The following CELF2 variants were observed in gnomAD, a reference collection of about 807,000 sequenced individuals.
CELF2 encodes CUG triplet repeat RNA-binding protein 2.
A neutral mutation model predicts 62.6 loss-of-function variants in CELF2; 8 were observed. That is an observed-to-expected ratio of 0.13 (90% CI 0.07 to 0.23). CELF2 has a LOEUF of 0.23. Among genes scored for constraint, CELF2 ranks in the 10% least tolerant of loss-of-function variants. CELF2 has a pLI of 1.00. For missense variants in CELF2, 333 were observed against 671.0 expected (o/e 0.50, Z 5.56); for synonymous variants, 258 against 250.0 (o/e 1.03, Z -0.30).
At chr10:11,007,608 A>G (rs1010678494) in intron 1 of CELF2, among the ~76,000 whole-genome samples, 2 of 152,206 alleles carry the variant, frequency 1.3e-5, no homozygotes, top group Non-Finnish European at 2.9e-5. Context: ...GGAACTGCTC[A>G]TTCCATCGTA....
At chr10:11,279,743 A>AT (rs368849009) in intron 8 of CELF2, among the ~76,000 whole-genome samples, 9 of 152,076 alleles carry the variant, frequency 5.9e-5, no homozygotes, top group African/African-American at 2.2e-4. Flanking sequence ...CTTATAAATA[A>AT]TTTTTTTTAA....
intron 1 of CELF2, among the ~76,000 whole-genome samples, chr10:10,806,976 A>G (rs546564720): frequency 9.9e-5 from 15 of 152,284 alleles, no homozygotes; most frequent in Admixed American, 9.2e-4. Context: ...CCCCTTTTTG[A>G]TCAAAGATAA....
chr10:10,747,722 T>A, the CELF2 span, among the ~76,000 whole-genome samples: 3 of 152,090 alleles, frequency 2.0e-5, no homozygotes, highest in Non-Finnish European at 4.4e-5. Context: ...ATATATATAT[T>A]TTGAGACGAA....
Position 11,319,733 on chromosome 10 carries a change from C to G in CELF2, c.1097-1456C>G, listed in dbSNP as rs10450538. 478 of 469,718 alleles carry G rather than the reference C, an allele frequency of 1.0e-3. 1 individual carries two copies. Among genetic ancestry groups the G allele is most frequent in the African/African-American group, 8.6e-3 (433 of 50,086 alleles). 29.1% of individuals were successfully genotyped at this position (469,718 alleles called of 1,614,324 possible). ...GTCTGTTCTGAGAAGCACAGGAATA[C>G]CCGAGGTGAGGCACAATGACAGTCC... On this transcript the variant is annotated intron_variant, in intron 10 of 12. Transcript: ENST00000633077. This position sits in a 1 kb window ranked among gnomAD's most constrained non-coding sequence, Gnocchi z 4.4.
intron 3 of CELF2, among the ~76,000 whole-genome samples, chr10:11,233,775 G>A (rs567166886): frequency 3.3e-5 from 5 of 152,300 alleles, no homozygotes; most frequent in South Asian, 2.1e-4. Flanking sequence ...GAATTGCTCC[G>A]TCTTTATCAA....
At chr10:11,115,639 T>C (rs140886134) in intron 1 of CELF2, among the ~76,000 whole-genome samples, 68 of 152,282 alleles carry the variant, frequency 4.5e-4, no homozygotes, top group African/African-American at 1.5e-3. Flanking sequence ...GTACAGAACA[T>C]TGGCTGATCC....
chr10:10,597,625 C>T, the CELF2 span, among the ~76,000 whole-genome samples: 1 of 152,202 alleles, frequency 6.6e-6, no homozygotes. Context: ...GCATCTGATA[C>T]ATAGTCCTGT....
At chr10:11,167,274 T>C (rs114521351) in intron 2 of CELF2, among the ~76,000 whole-genome samples, 2,295 of 152,228 alleles carry the variant, frequency 0.015, 60 homozygotes, top group African/African-American at 0.053. Context: ...GCTAAAAAAA[T>C]TAATAAATTT....
the CELF2 span, among the ~76,000 whole-genome samples, chr10:10,709,219 G>A: frequency 1.3e-5 from 2 of 152,090 alleles, no homozygotes; most frequent in South Asian, 4.1e-4. Context: ...TTTGAATTAG[G>A]CCAGTAATTG....
At chr10:11,122,104 T>C (rs2057873632) in intron 1 of CELF2, among the ~76,000 whole-genome samples, 1 of 152,224 alleles carries the variant, frequency 6.6e-6, no homozygotes, top group Non-Finnish European at 1.5e-5. Context: ...CTGGCTTCCA[T>C]TGTGTTTTTA....
At chr10:10,746,636 T>C in the CELF2 span, among the ~76,000 whole-genome samples, 2 of 152,196 alleles carry the variant, frequency 1.3e-5, no homozygotes, top group African/African-American at 4.8e-5. Flanking sequence ...GAAACCAACA[T>C]TGTGAAGCAG....
At chr10:10,587,394 A>G in the CELF2 span, among the ~76,000 whole-genome samples, 1 of 151,970 alleles carries the variant, frequency 6.6e-6, no homozygotes, top group East Asian at 1.9e-4. Context: ...CTCTTAGCAC[A>G]TCTCGGTAGG....
At chr10:11,032,670 C>G (rs2138966931) in intron 1 of CELF2, among the ~76,000 whole-genome samples, 1 of 117,994 alleles carries the variant, frequency 8.5e-6, no homozygotes, top group East Asian at 2.1e-4. Flanking sequence ...CCAGTAGAGT[C>G]CAAACTCTTG....
the CELF2 span, among the ~76,000 whole-genome samples, chr10:10,762,744 A>G: frequency 2.0e-5 from 3 of 152,070 alleles, no homozygotes; most frequent in Admixed American, 6.5e-5. Context: ...GCAAAGAAAG[A>G]TTTGAAAAAA....
intron 12 of CELF2, among the ~76,000 whole-genome samples, chr10:11,327,966 G>A (rs543260444): frequency 2.3e-4 from 35 of 152,248 alleles, no homozygotes; most frequent in African/African-American, 4.8e-4. Context: ...GTCACCACTC[G>A]GATCAGCACC....
the CELF2 span, among the ~76,000 whole-genome samples, chr10:10,752,444 A>G: frequency 7.9e-5 from 12 of 152,144 alleles, no homozygotes; most frequent in Admixed American, 7.9e-4. Context: ...TAATCCCAGC[A>G]CTTTGGGAGG....
chr10:10,834,888 A>C (rs2058151144), intron 1 of CELF2, among the ~76,000 whole-genome samples: 1 of 152,118 alleles, frequency 6.6e-6, no homozygotes, highest in African/African-American at 2.4e-5. Context: ...CACCTTTCTC[A>C]GTGATTTGTG....
At chr10:10,979,087 C>G (rs1386403629) in intron 2 of CELF2, among the ~76,000 whole-genome samples, 1 of 152,126 alleles carries the variant, frequency 6.6e-6, no homozygotes, top group Non-Finnish European at 1.5e-5. Flanking sequence ...TCATTCTCTG[C>G]CCCCAGGTTT....
rs567769096 is a variant in CELF2 at position 10,990,969 on chromosome 10, G to A, written c.89+70970G>A. Among the ~76,000 whole-genome samples the A allele has an allele frequency of 1.6e-4, 20 of 122,946 alleles. No homozygotes were observed. The highest frequency in any genetic ancestry group is 4.2e-4 in the African/African-American group (13 of 30,746). The allele number at this position is 122,946 out of a possible 152,430, so 80.7% of individuals were successfully genotyped here. ...CAGCATCTTTTTGAGGTTCTTTTGC[G>A]TGTGTGTGTGTGTGTGTGTGCCCAC... On this transcript the variant is annotated intron_variant, in intron 2 of 13. Coordinates refer to the CELF2 transcript ENST00000636488. The surrounding 1 kb of genome is among the most constrained non-coding windows in gnomAD (Gnocchi z 4.6).
Sources: gnomAD v4.1 joint callset for allele counts (sites outside exome capture counted in the v4.1 genomes callset) on GRCh38, gnomAD v4.1.1 for gene constraint, Gnocchi (gnomAD v3.1) non-coding constraint, MANE v1.5 for transcripts, NCBI Gene and HGNC (gene_info 2026-07-23, HGNC 2026-07-21) for gene names.